MMP27: variants seen among roughly 807,000 people sequenced by gnomAD.
MMP27 encodes matrix metallopeptidase 27.
MMP27 carries 51 observed loss-of-function variants against 48.1 expected under a neutral mutation model. That is an observed-to-expected ratio of 1.06 (90% CI 0.85 to 1.34). The LOEUF is 1.34. MMP27 is among the 40% of genes most tolerant of loss of function. MMP27 has a pLI of 0.00. For missense variants in MMP27, 698 were observed against 619.3 expected (o/e 1.13, Z -1.35); for synonymous variants, 229 against 208.9 (o/e 1.10, Z -0.83).
intron 6 of MMP27, among the ~76,000 whole-genome samples, chr11:102,696,055 T>C (rs1860820423): frequency 6.6e-6 from 1 of 152,196 alleles, no homozygotes; most frequent in African/African-American, 2.4e-5. Context: ...AATAGACTCC[T>C]GTAACGGAGT....
At chr11:102,696,513 C>G (rs369058648) in intron 5 of MMP27, 22 bp from the exon 6 acceptor site, 3 of 1,611,568 alleles carry the variant, frequency 1.9e-6, no homozygotes, top group Non-Finnish European at 2.5e-6. Flanking sequence ...AAAAAAATAC[C>G]ACAATGAATT....
Position 102,695,076 on chromosome 11 carries a change from A to T in MMP27, c.924T>A (p.Tyr308Ter), listed in dbSNP as rs1425972408. 2.5e-6 allele frequency: 4 copies of T among 1,613,976 alleles called. No individual in the cohort carries two copies. The East Asian group carries it at 6.7e-5, about 27-fold the overall frequency. The part of the protein sequence containing the change: ...FKGRHLWRIY[Y>*]DITDVEFELI... ...ATTCAAACTCAACATCCGTGATATC[A>T]TAATAGATCCTCCATAGGTGCCTGT... The change falls in exon 7 of 10, where the codon TAT becomes TAA. Residue 308 changes from tyrosine (Y) to a stop codon, truncating the protein, a stop_gained. Transcript: ENST00000260229. LOFTEE classifies it high-confidence loss of function.
chr11:102,702,626 C>T (rs1860961865), intron 4 of MMP27, 127 bp downstream of exon 4: 1 of 1,118,376 alleles, frequency 8.9e-7, no homozygotes, highest in East Asian at 2.4e-5. Flanking sequence ...TCAAGGTCAT[C>T]TTGGAATATG....
At chr11:102,705,550 C>T (rs1861031086) in intron 1 of MMP27, 63 bp downstream of exon 1, 2 of 1,120,600 alleles carry the variant, frequency 1.8e-6, no homozygotes, top group South Asian at 3.2e-5. Flanking sequence ...TTTTAGGTCC[C>T]AAGAGAATCA....
chr11:102,703,408 C>T (rs1860983782), intron 2 of MMP27, among the ~76,000 whole-genome samples: 1 of 152,166 alleles, frequency 6.6e-6, no homozygotes, highest in Non-Finnish European at 1.5e-5. Flanking sequence ...CAGCATTTAT[C>T]TCATGTACGT....
At chr11:102,701,933 A>C (rs530942772) in intron 4 of MMP27, among the ~76,000 whole-genome samples, 12 of 152,308 alleles carry the variant, frequency 7.9e-5, no homozygotes, top group African/African-American at 2.9e-4. Flanking sequence ...GGACCACTAC[A>C]ACCTGTGCTT....
Position 102,704,764 on chromosome 11 carries a change from GT to G in MMP27, c.113del (p.Asn38ThrfsTer8). Reference protein sequence around the residue: ...ENMQLAQAYLNQFYSLEIEGN... With the variant: ...ENMQLAQAYLXQFYSLEIEGN... ...CTTCTATTTCAAGAGAGTAGAACTG[GT>G]TGAGATATGCCTGACCAAAAAGATA... On this transcript the variant is annotated frameshift_variant, in exon 2 of 10. Coordinates refer to ENST00000260229, the MANE Select transcript of MMP27 (RefSeq NM_022122.3). LOFTEE classifies it high-confidence loss of function. 1.3e-6 allele frequency: 2 copies of G among 1,599,562 alleles called. No homozygotes were observed. The highest frequency in any genetic ancestry group is 1.7e-6 in the Non-Finnish European group (2 of 1,168,360).
In MMP27 at chr11:102,704,731, A is replaced by G. The variant is rs1861013717; in HGVS notation, c.147T>C (p.His49=). 1.9e-6 allele frequency: 3 copies of G among 1,613,766 alleles called. No individual in the cohort carries two copies. The highest frequency in any genetic ancestry group is 2.5e-6 in the Non-Finnish European group (3 of 1,179,864). The change falls in exon 2 of 10, where the codon CAT becomes CAC. Residue 49 remains histidine (H), a synonymous_variant. Coordinates refer to ENST00000260229, the MANE Select transcript of MMP27 (RefSeq NM_022122.3). ...QFYSLEIEGN[H]LVQSKNRSLI... ...GACTCCTATTCTTGCTTTGAACAAGATGATTCCCTTCTATTTCAAGAGAGT... is the reference window on the plus strand; with the variant it reads ...GACTCCTATTCTTGCTTTGAACAAGGTGATTCCCTTCTATTTCAAGAGAGT...
intron 4 of MMP27, among the ~76,000 whole-genome samples, chr11:102,701,358 G>A (rs995739102): frequency 6.6e-6 from 1 of 152,190 alleles, no homozygotes; most frequent in Admixed American, 6.5e-5. Context: ...AGCAGTATGG[G>A]TAAGAGGAAC....
chr11:102,699,408 T>C (rs1251413527), intron 4 of MMP27, among the ~76,000 whole-genome samples: 1 of 151,940 alleles, frequency 6.6e-6, no homozygotes, highest in Non-Finnish European at 1.5e-5. Context: ...GCATAGGTTG[T>C]AGTGAGCCGA....
At position 102,702,817 on chromosome 11, in the gene MMP27, A is replaced by T; in HGVS notation, c.555T>A (p.Pro185=). 6.2e-7 allele frequency: 1 copy of T among 1,614,068 alleles called. No individual in the cohort carries two copies. The part of the protein sequence containing the change: ...PLGVLGHAFP[P]GPGLGGDTHF... ...GAGTGTCACCACCCAGACCCGGACC[A>T]GGAGGAAAGGCATGGCCAAGCACTC... The change falls in exon 4 of 10, where the codon CCT becomes CCA. Residue 185 remains proline (P), a synonymous_variant. Coordinates refer to ENST00000260229, the MANE Select transcript of MMP27 (RefSeq NM_022122.3).
At chr11:102,699,395 T>C (rs1020092933) in intron 4 of MMP27, among the ~76,000 whole-genome samples, 1 of 151,946 alleles carries the variant, frequency 6.6e-6, no homozygotes, top group Non-Finnish European at 1.5e-5. Context: ...TTGAGTCCAA[T>C]AGGCATAGGT....
chr11:102,693,190 A>G (rs1045255006), intron 8 of MMP27, 149 bp from the exon 9 acceptor site: 1 of 575,896 alleles, frequency 1.7e-6, no homozygotes, highest in Middle Eastern at 2.7e-4. Context: ...AAAATACAGT[A>G]AAGATTATGT....
chr11:102,699,368 T>C (rs1860893712), intron 4 of MMP27, among the ~76,000 whole-genome samples: 2 of 151,998 alleles, frequency 1.3e-5, no homozygotes, highest in South Asian at 2.1e-4. Flanking sequence ...TTTGGGAGGC[T>C]GAGGTAGGAG....
In MMP27 at chr11:102,702,693, ATTCTT is replaced by A. The variant is rs1300150684; in HGVS notation, c.619+55_619+59del. 4.6e-6 allele frequency: 7 copies of A among 1,530,664 alleles called. No individual in the cohort carries two copies. In the East Asian group the frequency reaches 1.4e-4, roughly 30 times the overall value. 94.8% of individuals were successfully genotyped at this position (1,530,664 alleles called of 1,614,324 possible). On this transcript the variant is annotated intron_variant, in intron 4 of 9. Transcript: ENST00000260229. Reference sequence around the variant, plus strand: ...TTAAAAAGCAGCTAGTTACAAAGCTATTCTTTTCAGGGATTCTTTAGAATAATAAG... The same window carrying A: ...TTAAAAAGCAGCTAGTTACAAAGCTATTCAGGGATTCTTTAGAATAATAAG...
At chr11:102,695,888 T>G (rs1018771207) in intron 6 of MMP27, among the ~76,000 whole-genome samples, 11 of 152,216 alleles carry the variant, frequency 7.2e-5, no homozygotes, top group Admixed American at 2.6e-4. Context: ...AAACGTTCAG[T>G]GAGGTGCTGA....
intron 2 of MMP27, 88 bp from the exon 3 acceptor site, chr11:102,703,206 A>G (rs1032029365): frequency 7.2e-6 from 9 of 1,250,926 alleles, no homozygotes; most frequent in Admixed American, 2.5e-5. Flanking sequence ...CTAGCTTATC[A>G]ATAATGTGCT....
At position 102,701,462 on chromosome 11, in the gene MMP27, A is replaced by C. The variant is rs11225382; in HGVS notation, c.619+1291T>G. ...AAGTAAAGCCTGGCTGAGCAAGGGG[A>C]GTCATTCTGATTTTGGCAAGTGCTA... On this transcript the variant is annotated intron_variant, in intron 4 of 9. Transcript: ENST00000260229. 8.1e-3 allele frequency among the ~76,000 whole-genome samples: 1,233 copies of C among 152,248 alleles called. 29 individuals carry two copies. Among genetic ancestry groups the C allele is most frequent in the African/African-American group, 0.028 (1,179 of 41,534 alleles).
In MMP27 at chr11:102,693,927, A is replaced by C. The variant is rs1860772537; in HGVS notation, c.1172T>G (p.Phe391Cys). The C allele has an allele frequency of 6.2e-7, 1 of 1,600,104 alleles. No homozygotes were observed. Among genetic ancestry groups the C allele is most frequent in the Non-Finnish European group, 8.5e-7 (1 of 1,174,700 alleles). ...TTACCTCCAGCACCAAATGCCCACAAAGAAGTAGGTTTTTCTTGTGGTCTT... is the reference window on the plus strand; with the variant it reads ...TTACCTCCAGCACCAAATGCCCACACAGAAGTAGGTTTTTCTTGTGGTCTT... Reference protein sequence around the residue: ...CDKTTRKTYFFVGIWCWRFDE... With the variant: ...CDKTTRKTYFCVGIWCWRFDE... Residue 391 changes from phenylalanine to cysteine, a missense_variant, in exon 8 of 10, where the codon TTT (phenylalanine) becomes TGT (cysteine). Physicochemically the swap from Phe to Cys is radical, Grantham distance 205. Transcript: ENST00000260229.
Sources: allele counts gnomAD v4.1 joint callset (sites outside exome capture counted in the v4.1 genomes callset), GRCh38; gene constraint gnomAD v4.1.1; transcripts MANE v1.5; gene names NCBI Gene and HGNC (gene_info 2026-07-23, HGNC 2026-07-21).